Variants in GRM5 observed in about 807,000 individuals in gnomAD.
GRM5 encodes the protein glutamate metabotropic receptor 5, also known as metabotropic glutamate receptor 5.
Under a neutral mutation model 83.1 loss-of-function variants are expected in GRM5, and 19 were observed. The observed-to-expected ratio is 0.23, with a 90% CI of 0.16 to 0.34. The LOEUF is 0.34. Ranked by LOEUF, GRM5 falls within the 10% of genes least tolerant of loss-of-function variation. The pLI is 1.00. For synonymous variants in GRM5, 675 were observed against 633.6 expected (o/e 1.07, Z -0.98); for missense variants, 1,160 against 1,588.3 (o/e 0.73, Z 4.58).
intron 4 of GRM5, among the ~76,000 whole-genome samples, chr11:88,634,982 A>G (rs1386752539): frequency 3.9e-5 from 6 of 152,272 alleles, no homozygotes; most frequent in African/African-American, 9.6e-5. Flanking sequence ...GTAGCACATG[A>G]CTCTACGTTG....
chr11:88,827,504 C>T (rs1373220689), intron 3 of GRM5, among the ~76,000 whole-genome samples: 2 of 152,196 alleles, frequency 1.3e-5, no homozygotes, highest in East Asian at 1.9e-4. Flanking sequence ...AGCTAGTTCC[C>T]CTGCTTACGC....
intron 3 of GRM5, among the ~76,000 whole-genome samples, chr11:88,823,313 G>A (rs149506182): frequency 4.6e-5 from 7 of 151,402 alleles, no homozygotes; most frequent in Non-Finnish European, 8.8e-5. Flanking sequence ...CTTTGTGGAA[G>A]CATTTCCTGC....
chr11:88,970,394 G>C (rs1260407618), intron 2 of GRM5, among the ~76,000 whole-genome samples: 2 of 152,122 alleles, frequency 1.3e-5, no homozygotes, highest in Admixed American at 1.3e-4. Flanking sequence ...TAGTGAAGGA[G>C]ATATAGCTTC....
intron 3 of GRM5, among the ~76,000 whole-genome samples, chr11:88,836,060 G>C (rs1944089832): frequency 6.6e-6 from 1 of 152,078 alleles, no homozygotes; most frequent in East Asian, 1.9e-4. Context: ...AAAAAGTGGA[G>C]TTTATGTGCA....
chr11:88,755,679 C>G (rs956025670), intron 3 of GRM5, among the ~76,000 whole-genome samples: 2 of 152,044 alleles, frequency 1.3e-5, no homozygotes, highest in Non-Finnish European at 2.9e-5. Context: ...TTTCTATGCC[C>G]AAAGATGGCC....
chr11:88,613,167 A>C (rs548140754), intron 4 of GRM5, among the ~76,000 whole-genome samples: 13 of 152,120 alleles, frequency 8.5e-5, no homozygotes, highest in Non-Finnish European at 1.6e-4. Flanking sequence ...AAGAATGTAT[A>C]TTCTGTTGTT....
At chr11:89,019,830 G>A (rs1940940807) in intron 2 of GRM5, among the ~76,000 whole-genome samples, 1 of 152,160 alleles carries the variant, frequency 6.6e-6, no homozygotes, top group South Asian at 2.1e-4. Context: ...AGACAAATCA[G>A]ACACCTTTGG....
rs533702226 is a variant in GRM5, at chr11:88,689,734, T to C, written c.912-36331A>G. On this transcript the variant is annotated intron_variant, in intron 3 of 9. Coordinates refer to ENST00000305447, the MANE Select transcript of GRM5 (RefSeq NM_001143831.3). Reference sequence around the variant, plus strand: ...AAGGTCACGCCTATGCCTTCTGGTGTCTGACGTCAGTTCATGACCTTCACT... The same window carrying C: ...AAGGTCACGCCTATGCCTTCTGGTGCCTGACGTCAGTTCATGACCTTCACT... Among the ~76,000 whole-genome samples, 24 of 152,290 alleles carry C rather than the reference T, an allele frequency of 1.6e-4. No homozygotes were observed. In the South Asian group the frequency reaches 4.8e-3, roughly 30 times the overall value.
chr11:88,865,732 G>A (rs1260246177), intron 2 of GRM5, among the ~76,000 whole-genome samples: 3 of 151,624 alleles, frequency 2.0e-5, no homozygotes, highest in East Asian at 3.9e-4. Context: ...ACAACCCCAT[G>A]AAAAAGTGGG....
intron 3 of GRM5, among the ~76,000 whole-genome samples, chr11:88,690,230 A>G (rs1445068591): frequency 6.6e-6 from 1 of 150,960 alleles, no homozygotes; most frequent in Non-Finnish European, 1.5e-5. Context: ...AACTTTTTTT[A>G]TTACAGTAAT....
At chr11:88,941,488 AGGG>A (rs1279586752) in intron 2 of GRM5, among the ~76,000 whole-genome samples, 4 of 96,710 alleles carry the variant, frequency 4.1e-5, no homozygotes, top group Admixed American at 3.4e-4. Flanking sequence ...AGGGGAGAGG[AGGG>A]GAGAGGAGGG....
Position 88,639,651 on chromosome 11 carries a change from A to T in GRM5, c.1147+13517T>A, listed in dbSNP as rs979652757. On this transcript the variant is annotated intron_variant, in intron 4 of 9. Coordinates refer to ENST00000305447, the MANE Select transcript of GRM5 (RefSeq NM_001143831.3). ...CACCCAGGCTGGAGTGCAGTGGCAC[A>T]ATCTCTCCTCACTGCAAGCTCCACC... 2.6e-5 allele frequency among the ~76,000 whole-genome samples: 4 copies of T among 151,050 alleles called. No individual in the cohort carries two copies. The South Asian group carries it at 8.4e-4, about 32-fold the overall frequency.
chr11:88,699,955 G>A (rs7479266), intron 3 of GRM5, among the ~76,000 whole-genome samples: 148,244 of 152,238 alleles, frequency 0.97, 72,313 homozygotes, highest in East Asian at 1. Flanking sequence ...CTGTGCAGTT[G>A]GAGGCATTCT....
At chr11:88,575,163 T>C (rs940721529) in intron 7 of GRM5, among the ~76,000 whole-genome samples, 1 of 152,166 alleles carries the variant, frequency 6.6e-6, no homozygotes, top group Non-Finnish European at 1.5e-5. Flanking sequence ...GCAAGTTTTA[T>C]TGGTAACTGC....
rs189378825 is a variant in GRM5, at chr11:88,980,926, A to G, written c.661+66286T>C. Among the ~76,000 whole-genome samples the G allele has an allele frequency of 2.6e-5, 4 of 152,290 alleles. No individual in the cohort carries two copies. The East Asian group carries it at 7.7e-4, about 29-fold the overall frequency. ...TGGACAAATGGTGATGTAAAATATC[A>G]TTAAGGAAAACTGAGGTAAGGATAT... On this transcript the variant is annotated intron_variant, in intron 2 of 9. Transcript: ENST00000305447.
At chr11:89,025,648 A>C (rs1201387677) in intron 2 of GRM5, among the ~76,000 whole-genome samples, 1 of 152,202 alleles carries the variant, frequency 6.6e-6, no homozygotes, top group East Asian at 1.9e-4. Flanking sequence ...ATAAAATATA[A>C]AGATAGAGAG....
At chr11:88,878,756 A>G (rs1176562360) in intron 2 of GRM5, among the ~76,000 whole-genome samples, 1 of 152,208 alleles carries the variant, frequency 6.6e-6, no homozygotes, top group Non-Finnish European at 1.5e-5. Context: ...CATCATCAAT[A>G]AAGAGAAACA....
chr11:88,852,365 T>A (rs1565261819), intron 2 of GRM5, among the ~76,000 whole-genome samples: 1 of 152,090 alleles, frequency 6.6e-6, no homozygotes, highest in Non-Finnish European at 1.5e-5. Context: ...TATCCAGATA[T>A]TTTAATATTA....
chr11:88,632,848 A>G (rs1317106551), intron 4 of GRM5, among the ~76,000 whole-genome samples: 3 of 152,214 alleles, frequency 2.0e-5, no homozygotes, highest in African/African-American at 7.2e-5. Flanking sequence ...AACATTTGAT[A>G]TGACCAGGCT....
Sources: allele counts gnomAD v4.1 joint callset (sites outside exome capture counted in the v4.1 genomes callset), GRCh38; gene constraint gnomAD v4.1.1; transcripts MANE v1.5; gene names NCBI Gene and HGNC (gene_info 2026-07-23, HGNC 2026-07-21).